Variants in PTPRT observed in about 807,000 individuals in gnomAD.
The protein encoded by PTPRT is receptor-type tyrosine-protein phosphatase T.
A neutral mutation model predicts 176.8 loss-of-function variants in PTPRT; 56 were observed. The ratio of observed to expected loss-of-function variants is 0.32; its 90% CI spans 0.26 to 0.40. PTPRT has a LOEUF of 0.40. Among genes scored for constraint, PTPRT ranks in the 10% least tolerant of loss-of-function variants. PTPRT has a pLI of 1.00. For missense variants in PTPRT, 1,540 were observed against 1,908.2 expected, an observed-to-expected ratio of 0.81 and a Z score of 3.60; for synonymous variants, 783 against 739.0, an observed-to-expected ratio of 1.06 and a Z score of -0.96.
chr20:42,805,346 G>T (rs2145598646), intron 2 of PTPRT, among the ~76,000 whole-genome samples: 1 of 152,280 alleles, frequency 6.6e-6, no homozygotes, highest in African/African-American at 2.4e-5. Flanking sequence ...CTTAATGGGG[G>T]ATAACAGTTT....
chr20:42,570,648 T>C (rs1188525065), intron 7 of PTPRT, among the ~76,000 whole-genome samples: 6 of 152,174 alleles, frequency 3.9e-5, no homozygotes, highest in Admixed American at 3.9e-4. Flanking sequence ...ATTGGTCACC[T>C]ATCTCATTGG....
intron 7 of PTPRT, among the ~76,000 whole-genome samples, chr20:42,475,175 C>A (rs893174932): frequency 6.6e-6 from 1 of 152,118 alleles, no homozygotes. Flanking sequence ...CATCTTATGA[C>A]CCTAGGAGGG....
At chr20:42,923,390 A>G (rs1369741644) in intron 1 of PTPRT, among the ~76,000 whole-genome samples, 1 of 152,214 alleles carries the variant, frequency 6.6e-6, no homozygotes, top group Admixed American at 6.5e-5. Context: ...GTGAATTTGC[A>G]ATCTCTAAGC....
chr20:42,892,226 G>T (rs545143487), intron 1 of PTPRT, among the ~76,000 whole-genome samples: 1 of 152,234 alleles, frequency 6.6e-6, no homozygotes, highest in South Asian at 2.1e-4. Flanking sequence ...TGTAATGGAG[G>T]CTTTACCTAC....
At chr20:43,183,220 C>T (rs2015310336) in intron 1 of PTPRT, among the ~76,000 whole-genome samples, 1 of 152,164 alleles carries the variant, frequency 6.6e-6, no homozygotes, top group Admixed American at 6.5e-5. Context: ...TTTCAAAGAG[C>T]GAGAGATAAT....
At chr20:42,373,212 G>A (rs949876825) in intron 9 of PTPRT, among the ~76,000 whole-genome samples, 2 of 152,198 alleles carry the variant, frequency 1.3e-5, no homozygotes, top group Admixed American at 6.5e-5. Flanking sequence ...CAGGCTCAGA[G>A]AGGGTGAGTG....
intron 9 of PTPRT, among the ~76,000 whole-genome samples, chr20:42,438,881 A>T (rs1487619034): frequency 6.6e-6 from 1 of 152,192 alleles, no homozygotes; most frequent in Non-Finnish European, 1.5e-5. Flanking sequence ...AAAAGAAGAA[A>T]CACCCCAAGG....
At chr20:42,470,871 A>G (rs2071182336) in intron 8 of PTPRT, among the ~76,000 whole-genome samples, 1 of 147,894 alleles carries the variant, frequency 6.8e-6, no homozygotes, top group Admixed American at 6.7e-5. Context: ...TGGAGTCTCA[A>G]GTTATGAGGA....
intron 1 of PTPRT, among the ~76,000 whole-genome samples, chr20:42,944,509 T>C (rs1204525385): frequency 6.6e-6 from 1 of 152,222 alleles, no homozygotes; most frequent in African/African-American, 2.4e-5. Context: ...ATCTCAATTC[T>C]ATTCCTCCAA....
intron 15 of PTPRT, among the ~76,000 whole-genome samples, chr20:42,218,846 T>C (rs8115491): frequency 0.21 from 32,087 of 152,122 alleles, 3,784 homozygotes; most frequent in African/African-American, 0.28. Context: ...TCTGATGAAC[T>C]GATCGGGATG....
intron 2 of PTPRT, among the ~76,000 whole-genome samples, chr20:42,817,869 T>C (rs1186848545): frequency 6.6e-6 from 1 of 152,078 alleles, no homozygotes; most frequent in African/African-American, 2.4e-5. Context: ...AGAATTCGGA[T>C]CCCCCTGGAC....
intron 15 of PTPRT, among the ~76,000 whole-genome samples, chr20:42,207,329 C>T (rs1183013866): frequency 3.9e-4 from 59 of 150,370 alleles, no homozygotes; most frequent in South Asian, 8.5e-4. Context: ...AGGCTTCAGA[C>T]GATCAAATTA....
chr20:42,560,520 A>C (rs1435489965), intron 7 of PTPRT, among the ~76,000 whole-genome samples: 2 of 152,178 alleles, frequency 1.3e-5, no homozygotes, highest in South Asian at 2.1e-4. Context: ...GTGACCAAAA[A>C]TGTCCTCTGG....
chr20:42,220,233 AAAG>A (rs1227218725), intron 15 of PTPRT, among the ~76,000 whole-genome samples: 1 of 152,212 alleles, frequency 6.6e-6, no homozygotes, highest in African/African-American at 2.4e-5. Context: ...GAAAGAAATC[AAAG>A]AAGATCGAAT....
At chr20:42,515,976 T>A (rs1466799677) in intron 7 of PTPRT, among the ~76,000 whole-genome samples, 1 of 148,240 alleles carries the variant, frequency 6.7e-6, no homozygotes, top group Non-Finnish European at 1.5e-5. Context: ...AAATTGGAAA[T>A]CATCATTCTC....
intron 9 of PTPRT, among the ~76,000 whole-genome samples, chr20:42,354,721 C>G (rs2058334249): frequency 1.3e-5 from 2 of 152,200 alleles, no homozygotes; most frequent in African/African-American, 4.8e-5. Context: ...TGGCCAAACC[C>G]AGGCAGAAAA....
At chr20:42,615,616 A>C (rs1318537867) in intron 7 of PTPRT, among the ~76,000 whole-genome samples, 2 of 133,694 alleles carry the variant, frequency 1.5e-5, no homozygotes, top group Non-Finnish European at 3.1e-5. Context: ...CTGACTTTTT[A>C]ATGATGGCCA....
chr20:42,072,404 T>G (rs888739748), downstream of PTPRT, among the ~76,000 whole-genome samples: 15 of 152,204 alleles, frequency 9.9e-5, no homozygotes, highest in Non-Finnish European at 1.8e-4. Flanking sequence ...GCTGATACAT[T>G]TAGGCAGCTC....
At chr20:42,611,799 C>T (rs2073980836) in intron 7 of PTPRT, among the ~76,000 whole-genome samples, 1 of 152,178 alleles carries the variant, frequency 6.6e-6, no homozygotes, top group South Asian at 2.1e-4. Context: ...ACATGCTTCT[C>T]TTCCCCAACC....
Sources: gnomAD v4.1 joint callset for allele counts (sites outside exome capture counted in the v4.1 genomes callset) on GRCh38, gnomAD v4.1.1 for gene constraint, MANE v1.5 for transcripts, NCBI Gene and HGNC (gene_info 2026-07-23, HGNC 2026-07-21) for gene names.